BSG: variants seen among roughly 807,000 people sequenced by gnomAD.
BSG encodes the protein basigin.
BSG carries 37 observed loss-of-function variants against 43.1 expected under a neutral mutation model. The ratio of observed to expected loss-of-function variants is 0.86; its 90% CI spans 0.66 to 1.13. BSG has a LOEUF of 1.13. Ranked by LOEUF, BSG falls within the 50% of genes most tolerant of loss-of-function variation. The pLI, the probability that BSG is intolerant of heterozygous loss-of-function variation, is 0.00. For missense variants in BSG, 599 were observed against 554.2 expected, an observed-to-expected ratio of 1.08 and a Z score of -0.81; for synonymous variants, 309 against 238.7, an observed-to-expected ratio of 1.29 and a Z score of -2.72.
chr19:580,602 G>T, intron 4 of BSG, 44 bp from the exon 5 acceptor site: 1 of 1,611,152 alleles, frequency 6.2e-7, no homozygotes, highest in Non-Finnish European at 8.5e-7. Context: ...GGGGATGGGG[G>T]CGGGCCTGCG....
At chr19:580,294 C>T (rs1380330584) in intron 3 of BSG, 85 bp from the exon 4 acceptor site, 10 of 1,262,694 alleles carry the variant, frequency 7.9e-6, no homozygotes, top group Non-Finnish European at 7.8e-6. Flanking sequence ...TTCACTGTGC[C>T]GTGGTTGGGC....
intron 1 of BSG, among the ~76,000 whole-genome samples, chr19:572,918 G>A (rs1160731944): frequency 6.6e-6 from 1 of 152,060 alleles, no homozygotes; most frequent in Non-Finnish European, 1.5e-5. Context: ...GCGGCCTGCC[G>A]GGCTCCCCCG....
rs1370066521 is a variant in BSG at position 582,557 on chromosome 19, C to T, written c.1138C>T (p.Arg380Cys). 1.4e-5 allele frequency: 22 copies of T among 1,601,624 alleles called. No individual in the cohort carries two copies. The highest frequency in any genetic ancestry group is 1.7e-5 in the Non-Finnish European group (20 of 1,176,084). ...QHQNDKGKNV[R>C]QRNSS Reference sequence around the variant, plus strand: ...CCAGAATGACAAAGGCAAGAACGTCCGCCAGAGGAACTCTTCCTGAGGCAG... The same window carrying T: ...CCAGAATGACAAAGGCAAGAACGTCTGCCAGAGGAACTCTTCCTGAGGCAG... The change falls in exon 8 of 9, where the codon CGC becomes TGC. Residue 380 changes from arginine to cysteine, a missense_variant. By Grantham distance (180) the Arg-to-Cys change is radical. Coordinates refer to ENST00000333511, the MANE Select transcript of BSG (RefSeq NM_001728.4).
At chr19:573,105 T>C (rs1271993532) in intron 1 of BSG, among the ~76,000 whole-genome samples, 4 of 139,746 alleles carry the variant, frequency 2.9e-5, no homozygotes, top group African/African-American at 1.1e-4. Flanking sequence ...GCGAAGGCGG[T>C]TGGAGGTGGC....
intron 1 of BSG, among the ~76,000 whole-genome samples, chr19:573,704 T>C (rs1753453521): frequency 6.7e-6 from 1 of 148,784 alleles, no homozygotes; most frequent in South Asian, 2.2e-4. Context: ...GGTTCCAAGG[T>C]CACAGTGAGG....
intron 1 of BSG, among the ~76,000 whole-genome samples, chr19:574,551 T>C (rs1215998528): frequency 1.5e-5 from 2 of 135,344 alleles, no homozygotes; most frequent in Non-Finnish European, 3.1e-5. Flanking sequence ...AGACCCCGTC[T>C]CAAAAAAAAA....
Position 579,606 on chromosome 19 carries a change from G to A in BSG, c.522G>A (p.Gly174=). 4 of 1,612,608 alleles carry A rather than the reference G, an allele frequency of 2.5e-6. No individual in the cohort carries two copies. Among genetic ancestry groups the A allele is most frequent in the Non-Finnish European group, 3.4e-6 (4 of 1,179,878 alleles). The change falls in exon 3 of 9, where the codon GGG becomes GGA. Residue 174 remains glycine, a synonymous_variant. Coordinates refer to ENST00000333511, the MANE Select transcript of BSG (RefSeq NM_001728.4). ...TEVTGHRWLK[G]GVVLKEDALP... ...TCACAGGGCACCGCTGGCTGAAGGG[G>A]GGCGTGGTGCTGAAGGAGGACGCGC... is the stretch of plus-strand genomic sequence containing the variant.
intron 1 of BSG, chr19:574,958 C>T (rs988508965): frequency 6.6e-6 from 1 of 152,276 alleles, no homozygotes; most frequent in Non-Finnish European, 1.5e-5. Context: ...CACGAGGTTC[C>T]CACATTGAGC....
intron 1 of BSG, among the ~76,000 whole-genome samples, 175 bp downstream of exon 1, chr19:572,876 G>A (rs901462955): frequency 3.3e-5 from 5 of 152,142 alleles, no homozygotes; most frequent in East Asian, 1.9e-4. Context: ...GAAGTCCCAG[G>A]GTTTGAGGGG....
chr19:578,977 G>A lies in BSG; in HGVS notation c.416-523G>A, dbSNP rs762824034. 19 of 452,072 alleles carry A rather than the reference G, an allele frequency of 4.2e-5. 1 individual carries two copies. Among genetic ancestry groups the A allele is most frequent in the South Asian group, 3.0e-4 (19 of 64,232 alleles). The allele number at this position is 452,072 out of a possible 1,614,324, so 28.0% of individuals were successfully genotyped here. ...GATCTCCCGACCTCGAGATCCACCC[G>A]CCTTGGCCTCCCAAAGTGCTGGGAT... is the stretch of plus-strand genomic sequence containing the variant. On this transcript the variant is annotated intron_variant, in intron 2 of 8. Transcript: ENST00000333511.
chr19:582,482 G>A, intron 7 of BSG, 32 bp from the exon 8 acceptor site: 1 of 1,605,092 alleles, frequency 6.2e-7, no homozygotes, highest in African/African-American at 1.3e-5. Context: ...ACTTGCGGGG[G>A]ACACCCTCTC....
chr19:578,594 G>A (rs1220024627), intron 2 of BSG, among the ~76,000 whole-genome samples: 6 of 152,264 alleles, frequency 3.9e-5, no homozygotes. Context: ...CAAGAGATTT[G>A]CTTGGTTGGG....
At chr19:572,550 G>T (rs145461969), upstream of BSG, 255 of 1,384,386 alleles carry the variant, frequency 1.8e-4, no homozygotes, top group Middle Eastern at 1.6e-3. Flanking sequence ...CGCGCGCCCG[G>T]TCCGCGCCTC....
At position 580,392 on chromosome 19, in the gene BSG, G is replaced by T; in HGVS notation, c.586G>T (p.Asp196Tyr). 4 of 1,610,972 alleles carry T rather than the reference G, an allele frequency of 2.5e-6. No homozygotes were observed. Among genetic ancestry groups the T allele is most frequent in the Non-Finnish European group, 3.4e-6 (4 of 1,179,890 alleles). The change falls in exon 4 of 9, where the codon GAC becomes TAC. Residue 196 changes from aspartate (D) to tyrosine (Y), a missense_variant. Asp to Tyr is a radical substitution (Grantham distance 160, BLOSUM62 -3). Coordinates refer to ENST00000333511, the MANE Select transcript of BSG (RefSeq NM_001728.4). ...QKTEFKVDSD[D>Y]QWGEYSCVFL... ...CTGTGGTTGCAGGGTGGACTCCGAC[G>T]ACCAGTGGGGAGAGTACTCCTGCGT... is the stretch of plus-strand genomic sequence containing the variant.
At chr19:577,298 C>A (rs1176907237) in intron 1 of BSG, among the ~76,000 whole-genome samples, 2 of 152,204 alleles carry the variant, frequency 1.3e-5, no homozygotes, top group Non-Finnish European at 2.9e-5. Flanking sequence ...GAGCTTTCCA[C>A]CCACGGGCTG....
intron 1 of BSG, among the ~76,000 whole-genome samples, chr19:576,703 G>T (rs889357466): frequency 1.3e-5 from 2 of 151,820 alleles, no homozygotes; most frequent in Admixed American, 6.6e-5. Flanking sequence ...AGAGGTTGCG[G>T]TGAGCTGAGA....
chr19:576,098 T>G (rs1298085116), intron 1 of BSG, among the ~76,000 whole-genome samples: 1 of 152,220 alleles, frequency 6.6e-6, no homozygotes, highest in Admixed American at 6.5e-5. Flanking sequence ...CCGGGACCGG[T>G]GCAGATGGCG....
At chr19:581,972 G>A (rs1199477555) in intron 6 of BSG, among the ~76,000 whole-genome samples, 1 of 152,256 alleles carries the variant, frequency 6.6e-6, no homozygotes, top group Non-Finnish European at 1.5e-5. Context: ...TCCTCGCGGA[G>A]CCCTTCTGCC....
intron 2 of BSG, among the ~76,000 whole-genome samples, chr19:578,419 C>A (rs542552024): frequency 6.6e-6 from 1 of 152,402 alleles, no homozygotes; most frequent in South Asian, 2.1e-4. Context: ...CCCCGGGCGC[C>A]TGCCCGGCTC....
Sources: gnomAD v4.1 joint callset for allele counts (sites outside exome capture counted in the v4.1 genomes callset) on GRCh38, gnomAD v4.1.1 for gene constraint, MANE v1.5 for transcripts, NCBI Gene and HGNC (gene_info 2026-07-23, HGNC 2026-07-21) for gene names.